The following CACNA2D3 variants were observed in gnomAD, a reference collection of about 807,000 sequenced individuals.
CACNA2D3 encodes calcium voltage-gated channel auxiliary subunit alpha2delta 3, also known as voltage-dependent calcium channel subunit alpha-2/delta-3.
A neutral mutation model predicts 160.6 loss-of-function variants in CACNA2D3; 60 were observed. The ratio of observed to expected loss-of-function variants is 0.37; its 90% CI spans 0.30 to 0.46. CACNA2D3 has a LOEUF of 0.46. Ranked by LOEUF, CACNA2D3 falls within the 20% of genes least tolerant of loss-of-function variation. CACNA2D3 has a pLI of 1.00. For synonymous variants in CACNA2D3, 558 were observed against 492.9 expected (o/e 1.13, Z -1.75); for missense variants, 1,205 against 1,365.0 (o/e 0.88, Z 1.85).
rs559687913 is a variant in CACNA2D3 at position 54,459,713 on chromosome 3, T to G, written c.382-43779T>G. Among the ~76,000 whole-genome samples, 389 of 152,188 alleles carry G rather than the reference T, an allele frequency of 2.6e-3. 2 individuals are homozygous for G. Among genetic ancestry groups the G allele is most frequent in the African/African-American group, 7.6e-3 (316 of 41,510 alleles). The stretch of plus-strand genomic sequence containing the variant: ...GTAGGTTGCGAAAATTTTCTCCCAT[T>G]TTGTAGGTTGCCTGTTCACTCTGAT... On this transcript the variant is annotated intron_variant, in intron 4 of 37. Transcript: ENST00000474759.
At chr3:54,939,908 C>T (rs1701423838) in intron 27 of CACNA2D3, among the ~76,000 whole-genome samples, 3 of 152,156 alleles carry the variant, frequency 2.0e-5, no homozygotes, top group Admixed American at 2.0e-4. Flanking sequence ...ATAGAGCATG[C>T]CCTGGAAGAA....
At chr3:54,297,800 TC>T (rs1327324035) in intron 2 of CACNA2D3, among the ~76,000 whole-genome samples, 1 of 151,294 alleles carries the variant, frequency 6.6e-6, no homozygotes, top group African/African-American at 2.4e-5. Context: ...CCTCACTCTC[TC>T]AGTGAGTCTC....
intron 27 of CACNA2D3, among the ~76,000 whole-genome samples, chr3:54,952,566 G>C (rs1240210531): frequency 6.6e-6 from 1 of 152,192 alleles, no homozygotes; most frequent in Non-Finnish European, 1.5e-5. Context: ...TATAGGGACA[G>C]GGTCATTAAA....
chr3:55,051,465 C>T (rs991586895), intron 35 of CACNA2D3, among the ~76,000 whole-genome samples: 5 of 152,226 alleles, frequency 3.3e-5, no homozygotes, highest in Middle Eastern at 3.4e-3. Flanking sequence ...TGCCCTTTCT[C>T]AGATCTCCAG....
Position 54,896,749 on chromosome 3 carries a change from G to A in CACNA2D3, c.2247G>A (p.Gln749=). ...LFVGAEQLTN[Q]DFLKAGDKEN... ...TCTTCTGATTCTTTTCCACTTCAAG[G>A]GACTTCCTGAAAGCTGGCGACAAGG... The change falls in exon 26 of 38, where the codon CAG becomes CAA. Residue 749 remains glutamine (Q), a splice_region_variant and synonymous_variant. Transcript: ENST00000474759. The A allele has an allele frequency of 3.1e-6, 5 of 1,613,924 alleles. No homozygotes were observed. Among genetic ancestry groups the A allele is most frequent in the Non-Finnish European group, 3.4e-6 (4 of 1,179,870 alleles).
At chr3:54,867,427 A>G (rs1699426879) in intron 17 of CACNA2D3, among the ~76,000 whole-genome samples, 1 of 151,900 alleles carries the variant, frequency 6.6e-6, no homozygotes, top group African/African-American at 2.4e-5. Context: ...CATAACATGT[A>G]CTTTAAAAGC....
At chr3:54,820,773 C>T (rs1703572235) in intron 14 of CACNA2D3, among the ~76,000 whole-genome samples, 1 of 152,100 alleles carries the variant, frequency 6.6e-6, no homozygotes, top group South Asian at 2.1e-4. Flanking sequence ...TTTACTTCTA[C>T]AGAAGTGTCC....
At chr3:54,728,894 G>A (rs969746056) in intron 11 of CACNA2D3, among the ~76,000 whole-genome samples, 12 of 152,148 alleles carry the variant, frequency 7.9e-5, no homozygotes, top group African/African-American at 2.9e-4. Flanking sequence ...TAACATTTCA[G>A]TCTTTTAGCT....
At chr3:54,981,948 G>C (rs1364123484) in intron 29 of CACNA2D3, among the ~76,000 whole-genome samples, 1 of 152,178 alleles carries the variant, frequency 6.6e-6, no homozygotes, top group African/African-American at 2.4e-5. Flanking sequence ...CCTGTGGCAG[G>C]GTGGGGAAAG....
At chr3:54,969,610 A>G (rs1035592083) in intron 28 of CACNA2D3, among the ~76,000 whole-genome samples, 190 bp from the exon 29 acceptor site, 3 of 152,140 alleles carry the variant, frequency 2.0e-5, no homozygotes, top group Non-Finnish European at 2.9e-5. Flanking sequence ...ACTACTTGGA[A>G]TTGATACTGA....
chr3:54,322,897 A>G (rs1704036374), intron 3 of CACNA2D3, among the ~76,000 whole-genome samples: 1 of 152,238 alleles, frequency 6.6e-6, no homozygotes, highest in African/African-American at 2.4e-5. Flanking sequence ...TTAAATTGAA[A>G]TATTCCCAGA....
Position 55,014,192 on chromosome 3 carries a change from A to C in CACNA2D3, c.2876-4014A>C, listed in dbSNP as rs358026. Among the ~76,000 whole-genome samples the C allele has an allele frequency of 9.6e-3, 1,463 of 152,330 alleles. 20 individuals carry two copies. Among genetic ancestry groups the C allele is most frequent in the African/African-American group, 0.034 (1,399 of 41,578 alleles). ...ATTCTGCCCATGCTAAGGGCCTGGC[A>C]CAGGGTTTGGCATGTAGTAAGTGCA... On this transcript the variant is annotated intron_variant, in intron 34 of 37. Transcript: ENST00000474759.
At chr3:54,389,029 G>T (rs1699235863) in intron 4 of CACNA2D3, among the ~76,000 whole-genome samples, 2 of 152,168 alleles carry the variant, frequency 1.3e-5, no homozygotes, top group Non-Finnish European at 2.9e-5. Context: ...AATGGGCCAG[G>T]CTGGGTGGCT....
intron 2 of CACNA2D3, among the ~76,000 whole-genome samples, chr3:54,211,467 G>A (rs557849218): frequency 6.6e-6 from 1 of 152,252 alleles, no homozygotes; most frequent in South Asian, 2.1e-4. Flanking sequence ...TGAAAATGTA[G>A]GGATAAAGGC....
At chr3:54,923,715 G>A (rs1306879483) in intron 27 of CACNA2D3, among the ~76,000 whole-genome samples, 2 of 152,180 alleles carry the variant, frequency 1.3e-5, no homozygotes, top group African/African-American at 2.4e-5. Context: ...GTGAAGTGGA[G>A]GAAAGAATGT....
intron 11 of CACNA2D3, among the ~76,000 whole-genome samples, chr3:54,689,959 C>A (rs903331970): frequency 1.3e-5 from 2 of 152,134 alleles, no homozygotes; most frequent in Non-Finnish European, 2.9e-5. Flanking sequence ...ATGTCTCTTT[C>A]CTTTCATTCA....
chr3:54,144,546 G>C (rs555654317), intron 2 of CACNA2D3, among the ~76,000 whole-genome samples: 1 of 152,318 alleles, frequency 6.6e-6, no homozygotes, highest in South Asian at 2.1e-4. Context: ...AGGCTTGCCT[G>C]GGAGACCAGA....
chr3:54,559,050 A>G (rs1415034428), intron 5 of CACNA2D3, among the ~76,000 whole-genome samples: 3 of 152,084 alleles, frequency 2.0e-5, no homozygotes, highest in African/African-American at 4.8e-5. Flanking sequence ...CCTCTTCCTC[A>G]TCATTAATAA....
rs1491125549 is a variant in CACNA2D3 at position 55,008,886 on chromosome 3, T to TACACACACAC, written c.2820-501_2820-500insCACACACACA. ...GAGAGAAGTCTGTTCCACCTCCCTC[T>TACACACACAC]ATACACACACACACACACACACACA... On this transcript the variant is annotated intron_variant, in intron 33 of 37. Transcript: ENST00000474759. Among the ~76,000 whole-genome samples, 239 of 53,336 alleles carry TACACACACAC rather than the reference T, an allele frequency of 4.5e-3. 1 individual carries two copies. Among genetic ancestry groups the TACACACACAC allele is most frequent in the African/African-American group, 0.015 (195 of 13,348 alleles). 35.0% of individuals were successfully genotyped at this position (53,336 alleles called of 152,430 possible). A position where few individuals can be genotyped will look rare whatever the true frequency, so the allele number is the denominator to read the frequency against.
Sources: gnomAD v4.1 joint callset for allele counts (sites outside exome capture counted in the v4.1 genomes callset) on GRCh38, gnomAD v4.1.1 for gene constraint, MANE v1.5 for transcripts, NCBI Gene and HGNC (gene_info 2026-07-23, HGNC 2026-07-21) for gene names.